The following LGSN variants were observed in gnomAD, a reference collection of about 807,000 sequenced individuals.
LGSN encodes lengsin.
A neutral mutation model predicts 19.5 loss-of-function variants in LGSN; 21 were observed. That is an observed-to-expected ratio of 1.07 (90% CI 0.76 to 1.55). The LOEUF is 1.55. LGSN is among the 40% of genes most tolerant of loss of function. The pLI is 0.00. For synonymous variants in LGSN, 257 were observed against 215.6 expected, an observed-to-expected ratio of 1.19 and a Z score of -1.68; for missense variants, 673 against 608.5, an observed-to-expected ratio of 1.11 and a Z score of -1.12.
At chr6:63,369,487 C>T in the LGSN span, among the ~76,000 whole-genome samples, 1 of 152,136 alleles carries the variant, frequency 6.6e-6, no homozygotes, top group East Asian at 1.9e-4. Flanking sequence ...TGAGAATCAC[C>T]TGGGAAAATG....
chr6:63,562,325 G>A, the LGSN span, among the ~76,000 whole-genome samples: 7 of 150,816 alleles, frequency 4.6e-5, no homozygotes, highest in Admixed American at 2.7e-4. Context: ...TCAGCCTCCC[G>A]AGTAGCTGGG....
At chr6:63,442,717 C>A in the LGSN span, among the ~76,000 whole-genome samples, 6 of 152,240 alleles carry the variant, frequency 3.9e-5, no homozygotes, top group East Asian at 1.2e-3. Flanking sequence ...CATTTACAAT[C>A]CTTTAGCTAG....
the LGSN span, among the ~76,000 whole-genome samples, chr6:63,511,308 C>T: frequency 1.4e-5 from 2 of 146,342 alleles, no homozygotes; most frequent in Non-Finnish European, 3.0e-5. Flanking sequence ...GGCTGAAGTG[C>T]AGTGGTGCAA....
chr6:63,302,171 G>A (rs1768206430), intron 1 of LGSN, among the ~76,000 whole-genome samples: 1 of 152,048 alleles, frequency 6.6e-6, no homozygotes, highest in African/African-American at 2.4e-5. Flanking sequence ...TTATGAATAT[G>A]TATTTCAAAA....
At chr6:63,530,262 G>T in the LGSN span, among the ~76,000 whole-genome samples, 3 of 152,046 alleles carry the variant, frequency 2.0e-5, no homozygotes, top group African/African-American at 7.2e-5. Flanking sequence ...CCAAGGTGAA[G>T]AAAAGGCATA....
chr6:63,288,130 A>C (rs1392783010), intron 2 of LGSN, among the ~76,000 whole-genome samples: 3 of 151,834 alleles, frequency 2.0e-5, no homozygotes, highest in Non-Finnish European at 4.4e-5. Flanking sequence ...AGGCAGGAGA[A>C]TCTCTTGAGC....
the LGSN span, among the ~76,000 whole-genome samples, chr6:63,412,760 A>AG: frequency 3.0e-4 from 15 of 50,242 alleles, 1 homozygote; most frequent in African/African-American, 1.7e-3. Context: ...AGAAAGAAAG[A>AG]AAGAAAGAAA....
At chr6:63,343,253 G>A in the LGSN span, among the ~76,000 whole-genome samples, 15 of 152,084 alleles carry the variant, frequency 9.9e-5, no homozygotes, top group Non-Finnish European at 1.6e-4. Flanking sequence ...GTTTTAACCC[G>A]AATCTCCATA....
the LGSN span, among the ~76,000 whole-genome samples, chr6:63,516,119 C>G: frequency 3.9e-5 from 6 of 152,120 alleles, no homozygotes; most frequent in South Asian, 1.2e-3. Flanking sequence ...ATCAATAGAA[C>G]AGCAAAGCAT....
At chr6:63,373,448 C>T in the LGSN span, among the ~76,000 whole-genome samples, 12 of 152,084 alleles carry the variant, frequency 7.9e-5, no homozygotes, top group African/African-American at 1.9e-4. Context: ...TTTCCTTACC[C>T]GCTTCTCCTC....
the LGSN span, among the ~76,000 whole-genome samples, chr6:63,402,423 C>A: frequency 2.1e-4 from 32 of 151,866 alleles, no homozygotes; most frequent in African/African-American, 7.5e-4. Context: ...TAAGGAAGAG[C>A]CCTAACTGAT....
At chr6:63,455,850 G>A in the LGSN span, among the ~76,000 whole-genome samples, 1 of 152,184 alleles carries the variant, frequency 6.6e-6, no homozygotes, top group Non-Finnish European at 1.5e-5. Context: ...TGAGGCAGGA[G>A]GATCACTAGA....
upstream of LGSN, among the ~76,000 whole-genome samples, chr6:63,323,555 C>CAT (rs1253232341): frequency 1.4e-3 from 165 of 114,640 alleles, no homozygotes; most frequent in Middle Eastern, 4.2e-3. Flanking sequence ...ACCAAAACCT[C>CAT]ATATACACAC....
the LGSN span, among the ~76,000 whole-genome samples, chr6:63,369,828 C>T: frequency 8.6e-3 from 1,314 of 152,194 alleles, 23 homozygotes; most frequent in African/African-American, 0.03. Flanking sequence ...CTTGGTGAAA[C>T]CCCATCTCTA....
chr6:63,410,080 T>C, the LGSN span, among the ~76,000 whole-genome samples: 1 of 152,170 alleles, frequency 6.6e-6, no homozygotes, highest in African/African-American at 2.4e-5. Context: ...TTACCTCATC[T>C]ATAAAATAGT....
chr6:63,429,954 A>G, the LGSN span, among the ~76,000 whole-genome samples: 1 of 152,176 alleles, frequency 6.6e-6, no homozygotes, highest in Non-Finnish European at 1.5e-5. Flanking sequence ...AATAAAGGGA[A>G]CTGTTCATCC....
rs1399891508 is a variant in LGSN, at chr6:63,294,924, G to C, written c.152C>G (p.Ser51Cys). The change falls in exon 2 of 4, where the codon TCC (serine) becomes TGC (cysteine). Residue 51 changes from serine to cysteine, a missense_variant. Transcript: ENST00000370657. ...GAGTAGTTAGATACCATTTGAATTG[G>C]ACATATCCGTTTCTCCCACTTCAGT... is the stretch of plus-strand genomic sequence containing the variant. ...CSTEVGETDMSNSNDCMRDSS... is the reference protein window; with the variant it reads ...CSTEVGETDMCNSNDCMRDSS... The C allele has an allele frequency of 6.2e-7, 1 of 1,613,656 alleles. No homozygotes were observed. The highest frequency in any genetic ancestry group is 8.5e-7 in the Non-Finnish European group (1 of 1,179,842).
the LGSN span, among the ~76,000 whole-genome samples, chr6:63,454,793 C>CTTTTTTTTTTTTTTTT: frequency 1.2e-4 from 11 of 91,714 alleles, no homozygotes; most frequent in African/African-American, 3.6e-4. Flanking sequence ...TTTTCTTTTT[C>CTTTTTTTTTTTTTTTT]TTTTTTTTTT....
the LGSN span, among the ~76,000 whole-genome samples, chr6:63,447,277 CTT>C: frequency 6.6e-6 from 1 of 152,084 alleles, no homozygotes; most frequent in Admixed American, 6.6e-5. Context: ...AAAGTTCTGG[CTT>C]TTTTGACATC....
Sources: allele counts gnomAD v4.1 joint callset (sites outside exome capture counted in the v4.1 genomes callset), GRCh38; gene constraint gnomAD v4.1.1; transcripts MANE v1.5; gene names NCBI Gene and HGNC (gene_info 2026-07-23, HGNC 2026-07-21).